Variants in DHH observed in about 807,000 individuals in gnomAD.
DHH encodes desert hedgehog protein.
A neutral mutation model predicts 27.6 loss-of-function variants in DHH; 16 were observed. The ratio of observed to expected loss-of-function variants is 0.58; its 90% CI spans 0.39 to 0.88. The LOEUF is 0.88. Among genes scored for constraint, DHH ranks in the 40% least tolerant of loss-of-function variants. DHH has a pLI of 0.00. For missense variants in DHH, 436 were observed against 563.1 expected, an observed-to-expected ratio of 0.77 and a Z score of 2.28; for synonymous variants, 289 against 263.4, an observed-to-expected ratio of 1.10 and a Z score of -0.94.
rs1291729080 is a variant in DHH at position 49,086,986 on chromosome 12, A to G, written c.*2873T>C. Among the ~76,000 whole-genome samples the G allele has an allele frequency of 1.3e-5, 2 of 152,126 alleles. No individual in the cohort carries two copies. The highest frequency in any genetic ancestry group is 4.8e-5 in the African/African-American group (2 of 41,426). On this transcript the variant is annotated 3_prime_UTR_variant, in exon 3 of 3. Transcript: ENST00000649637. The stretch of plus-strand genomic sequence containing the variant: ...AATAGAAAACATTTACTGAGCGCCT[A>G]CTCCACATCCAGCACAATCCTTCTC...
At position 49,091,318 on chromosome 12, in the gene DHH, C is replaced by T. The variant is rs1398473164; in HGVS notation, c.375G>A (p.Val125=). Residue 125 remains valine (V), a synonymous_variant, in exon 2 of 3, where the codon GTG becomes GTA. Transcript: ENST00000649637. This position sits in a 1 kb window ranked among gnomAD's most constrained non-coding sequence, Gnocchi z 4.8. ...MNMWPGVRLR[V]TEGWDEDGHH... is the part of the protein sequence containing the mutation. ...GGCCGTCCTCGTCCCAGCCCTCAGT[C>T]ACTCGTAGGCGCACTCCGGGCCACA... is the stretch of plus-strand genomic sequence containing the variant. 6.2e-7 allele frequency: 1 copy of T among 1,614,198 alleles called. No homozygotes were observed. The highest frequency in any genetic ancestry group is 8.5e-7 in the Non-Finnish European group (1 of 1,180,042).
rs1939224451 is a variant in DHH at position 49,087,233 on chromosome 12, T to C, written c.*2626A>G. ...AGAGTTAGGAGGGGCCTCAAAGGAA[T>C]AAAGATAATAAAGGGAGGAAGTGAG... On this transcript the variant is annotated 3_prime_UTR_variant, in exon 3 of 3. Coordinates refer to ENST00000649637, the MANE Select transcript of DHH (RefSeq NM_021044.4). Among the ~76,000 whole-genome samples, 1 of 150,990 alleles carries C rather than the reference T, an allele frequency of 6.6e-6. No homozygotes were observed. The highest frequency in any genetic ancestry group is 6.6e-5 in the Admixed American group (1 of 15,150).
At chr12:49,094,122 G>T in intron 1 of DHH, 88 bp downstream of exon 1, 1 of 1,448,938 alleles carries the variant, frequency 6.9e-7, no homozygotes, top group Non-Finnish European at 9.6e-7. Context: ...CTCTCTGTAG[G>T]TGAAGCTGGA....
chr12:49,089,785 T>C lies in DHH; in HGVS notation c.*74A>G, dbSNP rs1939261415. On this transcript the variant is annotated 3_prime_UTR_variant, in exon 3 of 3. Transcript: ENST00000649637. ...CTCCCTTCCAGTCGGCATCGTCTGC[T>C]GCCCACAGCCCCATATCTCAGCCAG... The C allele has an allele frequency of 7.0e-7, 1 of 1,428,362 alleles. No homozygotes were observed. The highest frequency in any genetic ancestry group is 1.5e-5 in the South Asian group (1 of 65,570). The allele number at this position is 1,428,362 out of a possible 1,614,324, so 88.5% of individuals were successfully genotyped here. A position where few individuals can be genotyped will look rare whatever the true frequency, so the allele number is the denominator to read the frequency against.
intron 1 of DHH, chr12:49,092,869 A>G (rs549866089): frequency 1.3e-5 from 2 of 152,418 alleles, no homozygotes; most frequent in East Asian, 3.9e-4. Context: ...TCCACGGCCA[A>G]GGAGGAAAGA....
Position 49,089,704 on chromosome 12 carries a change from AC to A in DHH, c.*154del. ...GGACCCGGTATCACCTCCTCTCAGT[AC>A]GAGGTTGCCCCTAAGCCAGGCATAG... On this transcript the variant is annotated 3_prime_UTR_variant, in exon 3 of 3. Coordinates refer to ENST00000649637, the MANE Select transcript of DHH (RefSeq NM_021044.4). 1.0e-6 allele frequency: 1 copy of A among 997,062 alleles called. No homozygotes were observed. Among genetic ancestry groups the A allele is most frequent in the Non-Finnish European group, 1.4e-6 (1 of 716,894 alleles). 61.8% of individuals were successfully genotyped at this position (997,062 alleles called of 1,614,324 possible). A position where few individuals can be genotyped will look rare whatever the true frequency, so the allele number is the denominator to read the frequency against.
chr12:49,094,492 T>C lies in DHH; in HGVS notation c.21A>G (p.Leu7=). The C allele has an allele frequency of 6.4e-7, 1 of 1,562,522 alleles. No homozygotes were observed. Among genetic ancestry groups the C allele is most frequent in the African/African-American group, 1.4e-5 (1 of 73,536 alleles). ...GAAGTGCCAAGCAGCACAGGGGCAG[T>C]AGATTGGTCAGGAGAGCCATGGATA... MALLTN[L]LPLCCLALLA... is the part of the protein sequence containing the mutation. The change falls in exon 1 of 3, where the codon CTA becomes CTG. Residue 7 remains leucine (L), a synonymous_variant. Transcript: ENST00000649637.
chr12:49,089,684 C>A lies in DHH; in HGVS notation c.*175G>T. ...CCATCAGCCCTACCTACCTAGGACCCGGTATCACCTCCTCTCAGTACGAGG... is the reference window on the plus strand; with the variant it reads ...CCATCAGCCCTACCTACCTAGGACCAGGTATCACCTCCTCTCAGTACGAGG... On this transcript the variant is annotated 3_prime_UTR_variant, in exon 3 of 3. Coordinates refer to ENST00000649637, the MANE Select transcript of DHH (RefSeq NM_021044.4). The A allele has an allele frequency of 1.3e-6, 1 of 777,828 alleles. No homozygotes were observed. The highest frequency in any genetic ancestry group is 1.9e-6 in the Non-Finnish European group (1 of 530,646). The allele number at this position is 777,828 out of a possible 1,614,324, so 48.2% of individuals were successfully genotyped here. A position where few individuals can be genotyped will look rare whatever the true frequency, so the allele number is the denominator to read the frequency against.
rs1264715188 is a variant in DHH at position 49,091,571 on chromosome 12, G to A, written c.304-182C>T. 6.6e-6 allele frequency among the ~76,000 whole-genome samples: 1 copy of A among 152,220 alleles called. No homozygotes were observed. The highest frequency in any genetic ancestry group is 1.5e-5 in the Non-Finnish European group (1 of 68,046). The stretch of plus-strand genomic sequence containing the variant: ...CCAATCTGCACTCTGTTCCCAGGAC[G>A]TCGTTGGAGAACTGTGGGCTCACCT... On this transcript the variant is annotated intron_variant, in intron 1 of 2. Coordinates refer to ENST00000649637, the MANE Select transcript of DHH (RefSeq NM_021044.4). The surrounding 1 kb of genome is among the most constrained non-coding windows in gnomAD (Gnocchi z 4.8).
At position 49,091,806 on chromosome 12, in the gene DHH, C is replaced by T. The variant is rs552272904; in HGVS notation, c.304-417G>A. ...CCCCAGGCACCGGCTCCCCTCCCTCCGCCTGATTCATCTTTTGTTTCATTG... is the reference window on the plus strand; with the variant it reads ...CCCCAGGCACCGGCTCCCCTCCCTCTGCCTGATTCATCTTTTGTTTCATTG... On this transcript the variant is annotated intron_variant, in intron 1 of 2. Coordinates refer to ENST00000649637, the MANE Select transcript of DHH (RefSeq NM_021044.4). This position sits in a 1 kb window ranked among gnomAD's most constrained non-coding sequence, Gnocchi z 4.8. Among the ~76,000 whole-genome samples, 2 of 152,170 alleles carry T rather than the reference C, an allele frequency of 1.3e-5. No homozygotes were observed. Among genetic ancestry groups the T allele is most frequent in the East Asian group, 1.9e-4 (1 of 5,136 alleles).
In DHH at chr12:49,090,541, C is replaced by G; in HGVS notation, c.566-57G>C. On this transcript the variant is annotated intron_variant, in intron 2 of 2. Transcript: ENST00000649637. This position sits in a 1 kb window ranked among gnomAD's most constrained non-coding sequence, Gnocchi z 5.2. ...CAAGACCAGCGGTTCCAGAACGATT[C>G]TCAAGGCCAGCGCAGATATCGCCAG... The G allele has an allele frequency of 6.3e-7, 1 of 1,581,974 alleles. No individual in the cohort carries two copies. Among genetic ancestry groups the G allele is most frequent in the Non-Finnish European group, 8.5e-7 (1 of 1,172,920 alleles).
intron 1 of DHH, among the ~76,000 whole-genome samples, chr12:49,093,703 C>T (rs1403372801): frequency 6.6e-6 from 1 of 152,174 alleles, no homozygotes; most frequent in Non-Finnish European, 1.5e-5. Flanking sequence ...GCAATGTCTG[C>T]CCAGCCCCTC....
rs544734581 is a variant in DHH, at chr12:49,089,145, G to A, written c.*714C>T. Among the ~76,000 whole-genome samples, 1 of 152,388 alleles carries A rather than the reference G, an allele frequency of 6.6e-6. No homozygotes were observed. The highest frequency in any genetic ancestry group is 2.4e-5 in the African/African-American group (1 of 41,596). On this transcript the variant is annotated 3_prime_UTR_variant, in exon 3 of 3. Coordinates refer to ENST00000649637, the MANE Select transcript of DHH (RefSeq NM_021044.4). ...GAGCCCCTATAAACAGAGAAGAGGT[G>A]TGCACAGTCTTTCCCACCTGGGACA...
chr12:49,090,431 G>C lies in DHH; in HGVS notation c.619C>G (p.Arg207Gly). Reference sequence around the variant, plus strand: ...CCTTTCCGCTCGCCGCTCCACAGGCGCACAGTTGCATTTCCCGGAAAGCAG... The same window carrying C: ...CCTTTCCGCTCGCCGCTCCACAGGCCCACAGTTGCATTTCCCGGAAAGCAG... The part of the protein sequence containing the change: ...GGCFPGNATV[R>G]LWSGERKGLR... Residue 207 changes from arginine (R) to glycine (G), a missense_variant, in exon 3 of 3, where the codon CGC becomes GGC. By Grantham distance (125) the Arg-to-Gly change is moderately radical. Transcript: ENST00000649637. This position sits in a 1 kb window ranked among gnomAD's most constrained non-coding sequence, Gnocchi z 5.2. 6.2e-7 allele frequency: 1 copy of C among 1,608,538 alleles called. No individual in the cohort carries two copies. Among genetic ancestry groups the C allele is most frequent in the Non-Finnish European group, 8.5e-7 (1 of 1,179,442 alleles).
In DHH at chr12:49,086,780, T is replaced by C. The variant is rs1939218011; in HGVS notation, c.*3079A>G. 6.6e-6 allele frequency among the ~76,000 whole-genome samples: 1 copy of C among 152,328 alleles called. No individual in the cohort carries two copies. Among genetic ancestry groups the C allele is most frequent in the Admixed American group, 6.5e-5 (1 of 15,298 alleles). Reference sequence around the variant, plus strand: ...TCAAGGGTCACAAAGGTGAGGGACATGAAGAGTCAACTTCTATATGTAAGG... The same window carrying C: ...TCAAGGGTCACAAAGGTGAGGGACACGAAGAGTCAACTTCTATATGTAAGG... On this transcript the variant is annotated 3_prime_UTR_variant, in exon 3 of 3. Transcript: ENST00000649637.
chr12:49,092,370 T>A (rs1939319643), intron 1 of DHH: 1 of 152,434 alleles, frequency 6.6e-6, no homozygotes, highest in East Asian at 1.9e-4. Flanking sequence ...GAAAAGAAGC[T>A]GCGGCTGGAA....
chr12:49,094,729 C>T lies in DHH; in HGVS notation c.-217G>A. The T allele has an allele frequency of 1.6e-6, 1 of 631,662 alleles. No homozygotes were observed. Among genetic ancestry groups the T allele is most frequent in the Non-Finnish European group, 2.8e-6 (1 of 355,616 alleles). The allele number at this position is 631,662 out of a possible 1,614,324, so 39.1% of individuals were successfully genotyped here. ...CTAGGACCTGCTACTGACAAACCAT[C>T]ATAGCAGGGAAGGGGGGTCGTGGGT... On this transcript the variant is annotated 5_prime_UTR_variant, in exon 1 of 3. The change abolishes an upstream ATG in the 5' untranslated region. Coordinates refer to ENST00000649637, the MANE Select transcript of DHH (RefSeq NM_021044.4).
rs983920781 is a variant in DHH, at chr12:49,094,334, C to T, written c.179G>A (p.Ser60Asn). Residue 60 changes from serine to asparagine, a missense_variant, in exon 1 of 3, where the codon AGT (serine) becomes AAT (asparagine). By Grantham distance (46) the Ser-to-Asn change is conservative (BLOSUM62 1). Coordinates refer to ENST00000649637, the MANE Select transcript of DHH (RefSeq NM_021044.4). ...TGCCACCCTCCCCTCCGCTGGCCCA[C>T]TGGCGCCCAGGGTCCGCTCTGGCAC... is the stretch of plus-strand genomic sequence containing the variant. ...PGVPERTLGASGPAEGRVARG... is the reference protein window; with the variant it reads ...PGVPERTLGANGPAEGRVARG... 3 of 1,613,264 alleles carry T rather than the reference C, an allele frequency of 1.9e-6. No individual in the cohort carries two copies. The highest frequency in any genetic ancestry group is 3.3e-5 in the Admixed American group (2 of 60,018).
rs1276929741 is a variant in DHH at position 49,091,987 on chromosome 12, G to A, written c.304-598C>T. 1.3e-5 allele frequency among the ~76,000 whole-genome samples: 2 copies of A among 152,158 alleles called. No individual in the cohort carries two copies. The highest frequency in any genetic ancestry group is 2.9e-5 in the Non-Finnish European group (2 of 68,032). On this transcript the variant is annotated intron_variant, in intron 1 of 2. Coordinates refer to ENST00000649637, the MANE Select transcript of DHH (RefSeq NM_021044.4). This position sits in a 1 kb window ranked among gnomAD's most constrained non-coding sequence, Gnocchi z 4.8. ...GCTGGAAAAAGGATTGGGGTGGCGG[G>A]GGTTGCGCGAAGTACAATGGCCATT...
Sources: gnomAD v4.1 joint callset for allele counts (sites outside exome capture counted in the v4.1 genomes callset) on GRCh38, gnomAD v4.1.1 for gene constraint, Gnocchi (gnomAD v3.1) non-coding constraint, MANE v1.5 for transcripts, NCBI Gene and HGNC (gene_info 2026-07-23, HGNC 2026-07-21) for gene names.